Variants in SLC19A2 observed in about 807,000 individuals in gnomAD.
SLC19A2 encodes the protein thiamine transporter 1.
SLC19A2 carries 27 observed loss-of-function variants against 44.7 expected under a neutral mutation model. The ratio of observed to expected loss-of-function variants is 0.60; its 90% CI spans 0.45 to 0.83. The LOEUF is 0.83. Ranked by LOEUF, SLC19A2 falls within the 40% of genes least tolerant of loss-of-function variation. SLC19A2 has a pLI of 0.00. For missense variants in SLC19A2, 566 were observed against 613.7 expected (o/e 0.92, Z 0.82); for synonymous variants, 239 against 243.6 (o/e 0.98, Z 0.18).
chr1:169,484,354 TGAGTGGCTACTCAAAA>T (rs1658505973), intron 1 of SLC19A2, among the ~76,000 whole-genome samples: 2 of 152,234 alleles, frequency 1.3e-5, no homozygotes, highest in South Asian at 4.1e-4. Context: ...GCAGGGTTAC[TGAGTGGCTACTCAAAA>T]GAAGTGACTG....
chr1:169,476,706 C>T (rs1015729812), intron 2 of SLC19A2, among the ~76,000 whole-genome samples: 5 of 152,046 alleles, frequency 3.3e-5, no homozygotes, highest in Non-Finnish European at 7.4e-5. Flanking sequence ...AGCAATAGAG[C>T]AAGACTCTGT....
intron 1 of SLC19A2, among the ~76,000 whole-genome samples, chr1:169,482,956 C>T (rs1658475386): frequency 6.6e-6 from 1 of 152,156 alleles, no homozygotes; most frequent in Non-Finnish European, 1.5e-5. Context: ...TAGTAAATGT[C>T]TGTCAAAACA....
chr1:169,465,511 G>A lies in SLC19A2; in HGVS notation c.*338C>T. ...TGGCTAAGTAGATACAGACATATGT[G>A]ACCTATAAAACACCAAACTCACTTG... On this transcript the variant is annotated 3_prime_UTR_variant, in exon 6 of 6. Transcript: ENST00000236137. 3.1e-6 allele frequency: 1 copy of A among 326,574 alleles called. No homozygotes were observed. Among genetic ancestry groups the A allele is most frequent in the Non-Finnish European group, 5.9e-6 (1 of 170,352 alleles). The allele number at this position is 326,574 out of a possible 1,614,324, so 20.2% of individuals were successfully genotyped here. A position where few individuals can be genotyped will look rare whatever the true frequency, so the allele number is the denominator to read the frequency against.
intron 1 of SLC19A2, among the ~76,000 whole-genome samples, chr1:169,479,554 A>C (rs897114060): frequency 2.0e-5 from 3 of 152,244 alleles, no homozygotes; most frequent in Non-Finnish European, 4.4e-5. Flanking sequence ...GAGACACAAC[A>C]TGTAAATTAC....
intron 2 of SLC19A2, among the ~76,000 whole-genome samples, chr1:169,473,262 A>T (rs914336288): frequency 2.2e-4 from 34 of 152,092 alleles, no homozygotes; most frequent in African/African-American, 7.7e-4. Context: ...TTTTTGAGAC[A>T]GAGTCTCTGT....
At position 169,485,801 on chromosome 1, in the gene SLC19A2, C is replaced by T. The variant is rs1658552963; in HGVS notation, c.-35G>A. ...GAGGGGAGGGGACCCGGCCCGGCCC[C>T]TTCCTTCTCCTCCTCCGCCAACTGG... On this transcript the variant is annotated 5_prime_UTR_variant, in exon 1 of 6. Coordinates refer to ENST00000236137, the MANE Select transcript of SLC19A2 (RefSeq NM_006996.3). 6.6e-7 allele frequency: 1 copy of T among 1,505,640 alleles called. No homozygotes were observed. 93.3% of individuals were successfully genotyped at this position (1,505,640 alleles called of 1,614,324 possible). A position where few individuals can be genotyped will look rare whatever the true frequency, so the allele number is the denominator to read the frequency against.
intron 2 of SLC19A2, among the ~76,000 whole-genome samples, chr1:169,471,675 CGTGTGT>C (rs140548510): frequency 6.1e-5 from 8 of 131,956 alleles, no homozygotes; most frequent in Admixed American, 7.7e-5. Context: ...AAAAAACAAA[CGTGTGT>C]GTGTGTGTGT....
chr1:169,483,526 A>G (rs2101785824), intron 1 of SLC19A2, among the ~76,000 whole-genome samples: 1 of 152,294 alleles, frequency 6.6e-6, no homozygotes. Context: ...TCCTCAACTA[A>G]TTTGCAATAA....
rs886045530 is a variant in SLC19A2, at chr1:169,485,757, G to A, written c.10C>T (p.Pro4Ser). 1.0e-4 allele frequency: 157 copies of A among 1,534,082 alleles called. No homozygotes were observed. The highest frequency in any genetic ancestry group is 1.3e-4 in the Non-Finnish European group (151 of 1,144,754). The change falls in exon 1 of 6, where the codon CCC (proline) becomes TCC (serine). Residue 4 changes from proline to serine, a missense_variant. Pro to Ser is a moderately conservative substitution (Grantham distance 74). Transcript: ENST00000236137. ...GCCGCCCGCCGAGACACCGGGCCGG[G>A]CACATCCATCCGGGGCGCGAGGGGA... MDV[P>S]GPVSRRAAAA...
chr1:169,476,579 G>T (rs543398077), intron 2 of SLC19A2, among the ~76,000 whole-genome samples: 1 of 152,062 alleles, frequency 6.6e-6, no homozygotes, highest in Non-Finnish European at 1.5e-5. Context: ...TTAGCTGGGC[G>T]TGGTGGCGAG....
At position 169,477,566 on chromosome 1, in the gene SLC19A2, G is replaced by A; in HGVS notation, c.396C>T (p.Gly132=). The A allele has an allele frequency of 6.2e-7, 1 of 1,614,158 alleles. No individual in the cohort carries two copies. The highest frequency in any genetic ancestry group is 8.5e-7 in the Non-Finnish European group (1 of 1,180,024). ...LAIQFLEFFY[G]IATATEIAYY... ...AGGCAATTTCAGTGGCTGTGGCGAT[G>A]CCATAAAAAAATTCTAGAAATTGAA... Residue 132 remains glycine (G), a synonymous_variant, in exon 2 of 6, where the codon GGC becomes GGT. Transcript: ENST00000236137.
Position 169,471,698 on chromosome 1 carries a change from G to GTGTGTGTGTGTGTGTGTGTA in SLC19A2, c.808-1513_808-1512insTACACACACACACACACACA, listed in dbSNP as rs1553212202. Among the ~76,000 whole-genome samples the GTGTGTGTGTGTGTGTGTGTA allele has an allele frequency of 3.2e-3, 476 of 146,960 alleles. 17 individuals are homozygous for GTGTGTGTGTGTGTGTGTGTA. The East Asian group carries it at 0.045, about 14-fold the overall frequency. On this transcript the variant is annotated intron_variant, in intron 2 of 5. Coordinates refer to ENST00000236137, the MANE Select transcript of SLC19A2 (RefSeq NM_006996.3). ...AACGTGTGTGTGTGTGTGTGTGTGT[G>GTGTGTGTGTGTGTGTGTGTA]TATATATACACACACACCATATATA...
chr1:169,467,031 C>G (rs571846407), intron 5 of SLC19A2, among the ~76,000 whole-genome samples: 1 of 152,112 alleles, frequency 6.6e-6, no homozygotes, highest in South Asian at 2.1e-4. Context: ...TTCAGCACCA[C>G]CCATAAAATC....
intron 1 of SLC19A2, among the ~76,000 whole-genome samples, chr1:169,479,627 G>C (rs754893183): frequency 9.2e-5 from 14 of 152,180 alleles, no homozygotes; most frequent in African/African-American, 3.4e-4. Flanking sequence ...AGGACATCTG[G>C]GGCAGTATGA....
At chr1:169,483,851 G>A (rs913510163) in intron 1 of SLC19A2, among the ~76,000 whole-genome samples, 1 of 152,234 alleles carries the variant, frequency 6.6e-6, no homozygotes, top group Non-Finnish European at 1.5e-5. Flanking sequence ...GTTCACAGCA[G>A]TATCAATTCT....
chr1:169,472,876 TACAA>T (rs112772249), intron 2 of SLC19A2, among the ~76,000 whole-genome samples: 85 of 152,370 alleles, frequency 5.6e-4, no homozygotes, highest in African/African-American at 1.9e-3. Flanking sequence ...AAATTACATC[TACAA>T]ACAAAGGTTT....
At chr1:169,484,422 A>G (rs1371234260) in intron 1 of SLC19A2, among the ~76,000 whole-genome samples, 1 of 152,156 alleles carries the variant, frequency 6.6e-6, no homozygotes, top group African/African-American at 2.4e-5. Flanking sequence ...AAATGGGAGG[A>G]GTATTTTACA....
In SLC19A2 at chr1:169,476,381, C is replaced by A. The variant is rs1461610157; in HGVS notation, c.807+774G>T. Among the ~76,000 whole-genome samples the A allele has an allele frequency of 5.3e-5, 8 of 152,282 alleles. No homozygotes were observed. In the South Asian group the frequency reaches 1.0e-3, roughly 20 times the overall value. On this transcript the variant is annotated intron_variant, in intron 2 of 5. Coordinates refer to ENST00000236137, the MANE Select transcript of SLC19A2 (RefSeq NM_006996.3). ...ATTTGAAAAATAAATAACAGATATCCCTTCTAGCACAGAAGAGGAAATTAA... is the reference window on the plus strand; with the variant it reads ...ATTTGAAAAATAAATAACAGATATCACTTCTAGCACAGAAGAGGAAATTAA...
intron 1 of SLC19A2, among the ~76,000 whole-genome samples, chr1:169,481,281 T>G (rs1002514382): frequency 2.0e-5 from 3 of 152,226 alleles, no homozygotes; most frequent in Non-Finnish European, 4.4e-5. Flanking sequence ...TAAAGAAAGG[T>G]TAAGTGAATT....
Sources: allele counts gnomAD v4.1 joint callset (sites outside exome capture counted in the v4.1 genomes callset), GRCh38; gene constraint gnomAD v4.1.1; transcripts MANE v1.5; gene names NCBI Gene and HGNC (gene_info 2026-07-23, HGNC 2026-07-21).